Variants in ROCK1 observed in about 807,000 individuals in gnomAD.
The protein encoded by ROCK1 is rho-associated protein kinase 1.
In ROCK1, 36 loss-of-function variants were observed where a neutral mutation model predicts 196.8. That is an observed-to-expected ratio of 0.18 (90% CI 0.14 to 0.24). The LOEUF (loss-of-function observed/expected upper bound fraction) is 0.24. ROCK1 is among the 10% of genes least tolerant of loss of function. ROCK1 has a pLI of 1.00. For synonymous variants in ROCK1, 443 were observed against 515.9 expected (o/e 0.86, Z 1.91); for missense variants, 920 against 1,562.0 (o/e 0.59, Z 6.93).
At chr18:21,075,059 G>A (rs1177968524) in intron 1 of ROCK1, among the ~76,000 whole-genome samples, 1 of 152,190 alleles carries the variant, frequency 6.6e-6, no homozygotes, top group African/African-American at 2.4e-5. Context: ...AATGTTAAAG[G>A]TATAACATAC....
At chr18:20,963,729 A>C (rs1323447158) in intron 27 of ROCK1, among the ~76,000 whole-genome samples, 1 of 152,188 alleles carries the variant, frequency 6.6e-6, no homozygotes, top group South Asian at 2.1e-4. Flanking sequence ...GAATGAGGAA[A>C]AGAAACAGTT....
intron 1 of ROCK1, among the ~76,000 whole-genome samples, chr18:21,096,682 T>G (rs2036615793): frequency 6.6e-6 from 1 of 152,192 alleles, no homozygotes; most frequent in Non-Finnish European, 1.5e-5. Flanking sequence ...GGAATTCTCA[T>G]TAGGTATGAT....
chr18:21,044,051 A>T, intron 6 of ROCK1, 51 bp downstream of exon 6: 1 of 1,067,482 alleles, frequency 9.4e-7, no homozygotes, highest in South Asian at 1.3e-5. Flanking sequence ...TTTTCTAAAG[A>T]AGCATCTACC....
intron 12 of ROCK1, among the ~76,000 whole-genome samples, chr18:21,019,847 AAC>A (rs1480903382): frequency 6.6e-6 from 1 of 152,020 alleles, no homozygotes; most frequent in African/African-American, 2.4e-5. Context: ...CTGTAATGAA[AAC>A]ACAGTTGGAA....
At chr18:20,965,446 T>A (rs1220425664) in intron 27 of ROCK1, among the ~76,000 whole-genome samples, 1 of 151,854 alleles carries the variant, frequency 6.6e-6, no homozygotes, top group Non-Finnish European at 1.5e-5. Flanking sequence ...CATACATATA[T>A]ACATAGAGTA....
Position 21,042,597 on chromosome 18 carries a change from G to A in ROCK1, c.788C>T (p.Ser263Leu). Residue 263 changes from serine (S) to leucine (L), a missense_variant, in exon 7 of 33, where the codon TCG becomes TTG. By Grantham distance (145) the Ser-to-Leu change is moderately radical. This residue lies in a region of ROCK1 where 234 missense variants were observed against 460.7 expected (regional missense o/e 0.51). Transcript: ENST00000399799. ...CATTTCGTATAAAAATACCCCAACC[G>A]ACCACCAGTCACATTCTCTTCCATA... ...GYYGRECDWW[S>L]VGVFLYEMLV... The A allele has an allele frequency of 6.2e-7, 1 of 1,613,538 alleles. No homozygotes were observed. Among genetic ancestry groups the A allele is most frequent in the South Asian group, 1.1e-5 (1 of 91,038 alleles).
chr18:20,982,708 T>C (rs1172352242), intron 21 of ROCK1, 55 bp downstream of exon 21: 3 of 801,856 alleles, frequency 3.7e-6, no homozygotes, highest in Non-Finnish European at 6.5e-6. Context: ...TCTAAATACC[T>C]TGTTTTAAGT....
rs2035146098 is a variant in ROCK1 at position 20,948,008 on chromosome 18, T to TACTTGAAC, written c.*3375_*3376insGTTCAAGT. Reference sequence around the variant, plus strand: ...ACCTGTAATCCCAGCTACTCGGGAGTCTGAGGCAGGAGGATCACTTGAACC... The same window carrying TACTTGAAC: ...ACCTGTAATCCCAGCTACTCGGGAGTACTTGAACCTGAGGCAGGAGGATCACTTGAACC... On this transcript the variant is annotated 3_prime_UTR_variant, in exon 33 of 33. Coordinates refer to ENST00000399799, the MANE Select transcript of ROCK1 (RefSeq NM_005406.3). 1 of 151,472 alleles carries TACTTGAAC rather than the reference T, an allele frequency of 6.6e-6. No homozygotes were observed. Among genetic ancestry groups the TACTTGAAC allele is most frequent in the African/African-American group, 2.4e-5 (1 of 41,142 alleles). The allele number at this position is 151,472 out of a possible 1,614,324, so 9.4% of individuals were successfully genotyped here.
intron 1 of ROCK1, 131 bp downstream of exon 1, chr18:21,110,687 A>T: frequency 8.0e-6 from 6 of 753,862 alleles, no homozygotes; most frequent in Non-Finnish European, 1.4e-5. Flanking sequence ...AAGATTCTTC[A>T]GGAAACAGAA....
intron 5 of ROCK1, among the ~76,000 whole-genome samples, 172 bp from the exon 6 acceptor site, chr18:21,044,358 T>C (rs1205027968): frequency 6.6e-6 from 1 of 152,250 alleles, no homozygotes; most frequent in African/African-American, 2.4e-5. Flanking sequence ...GAAACTTCTT[T>C]ATATGTTAAT....
chr18:21,017,800 G>A (rs1336498117), intron 12 of ROCK1, among the ~76,000 whole-genome samples: 1 of 151,452 alleles, frequency 6.6e-6, no homozygotes, highest in Non-Finnish European at 1.5e-5. Flanking sequence ...GTGAAACCCC[G>A]TCTCTACTAA....
At chr18:20,958,061 AT>A (rs1387307681) in intron 29 of ROCK1, among the ~76,000 whole-genome samples, 2 of 152,218 alleles carry the variant, frequency 1.3e-5, no homozygotes, top group African/African-American at 4.8e-5. Flanking sequence ...TATGAACTTT[AT>A]TGTGGGAAAT....
intron 1 of ROCK1, among the ~76,000 whole-genome samples, chr18:21,087,130 C>T (rs916503179): frequency 3.9e-5 from 6 of 151,948 alleles, no homozygotes; most frequent in African/African-American, 1.5e-4. Flanking sequence ...TTTTCTATGC[C>T]TAATTTAATA....
At chr18:21,082,894 A>G (rs943571881) in intron 1 of ROCK1, among the ~76,000 whole-genome samples, 5 of 152,224 alleles carry the variant, frequency 3.3e-5, no homozygotes, top group Admixed American at 1.3e-4. Flanking sequence ...AAAATTATCT[A>G]TTCACAGGTG....
chr18:21,070,623 C>G lies in ROCK1; in HGVS notation c.94-10G>C. ...AAGCATCCAATCCATCCTAAAGAAA[C>G]AAACAAACAATGGTTAGTTTTTTGG... On this transcript the variant is annotated splice_polypyrimidine_tract_variant and intron_variant, in intron 1 of 32. Transcript: ENST00000399799. 2 of 1,583,846 alleles carry G rather than the reference C, an allele frequency of 1.3e-6. No homozygotes were observed. The highest frequency in any genetic ancestry group is 1.7e-6 in the Non-Finnish European group (2 of 1,161,446).
At chr18:21,109,484 T>C (rs1221043286) in intron 1 of ROCK1, among the ~76,000 whole-genome samples, 1 of 152,220 alleles carries the variant, frequency 6.6e-6, no homozygotes, top group Non-Finnish European at 1.5e-5. Context: ...TAGAAATCCT[T>C]ACTACAAGAT....
intron 1 of ROCK1, among the ~76,000 whole-genome samples, chr18:21,075,490 C>A (rs1481280): frequency 0.32 from 48,645 of 152,040 alleles, 8,923 homozygotes; most frequent in Middle Eastern, 0.47. Context: ...TAGATGGCAG[C>A]TGAATATAAG....
At chr18:20,998,841 T>C (rs1461872287) in intron 16 of ROCK1, among the ~76,000 whole-genome samples, 1 of 152,104 alleles carries the variant, frequency 6.6e-6, no homozygotes, top group African/African-American at 2.4e-5. Context: ...ACTCCAGACC[T>C]CAAGTGATCC....
chr18:21,100,374 A>C (rs961232626), intron 1 of ROCK1, among the ~76,000 whole-genome samples: 1 of 151,558 alleles, frequency 6.6e-6, no homozygotes, highest in African/African-American at 2.4e-5. Context: ...AATGTACAAG[A>C]TGAGCCTGAG....
Sources: gnomAD v4.1 joint callset for allele counts (sites outside exome capture counted in the v4.1 genomes callset) on GRCh38, gnomAD v4.1.1 for gene constraint, gnomAD v4.1.1 regional missense constraint, MANE v1.5 for transcripts, NCBI Gene and HGNC (gene_info 2026-07-23, HGNC 2026-07-21) for gene names.